The following UBE3D variants were observed in gnomAD, a reference collection of about 807,000 sequenced individuals.
UBE3D encodes E3 ubiquitin-protein ligase E3D.
UBE3D carries 48 observed loss-of-function variants against 49.6 expected under a neutral mutation model. The observed-to-expected ratio is 0.97, with a 90% CI of 0.77 to 1.23. The LOEUF (loss-of-function observed/expected upper bound fraction) is 1.23, where lower values mean the gene tolerates loss of function less well. UBE3D is among the 50% of genes most tolerant of loss of function. The pLI, the probability that UBE3D is intolerant of heterozygous loss-of-function variation, is 0.00. For synonymous variants in UBE3D, 189 were observed against 174.2 expected (o/e 1.08, Z -0.67); for missense variants, 452 against 468.4 (o/e 0.96, Z 0.32).
intron 8 of UBE3D, among the ~76,000 whole-genome samples, chr6:82,992,026 T>C (rs1582572072): frequency 6.6e-6 from 1 of 152,156 alleles, no homozygotes; most frequent in African/African-American, 2.4e-5. Flanking sequence ...TCCCGAAAAG[T>C]TTAAAGTTTT....
intron 7 of UBE3D, among the ~76,000 whole-genome samples, chr6:83,021,996 T>C (rs946027483): frequency 6.6e-6 from 1 of 152,142 alleles, no homozygotes; most frequent in Non-Finnish European, 1.5e-5. Context: ...GTTATTAAAA[T>C]AAAGGAGTTT....
At chr6:82,892,184 T>C (rs1770998634), downstream of UBE3D, among the ~76,000 whole-genome samples, 1 of 152,188 alleles carries the variant, frequency 6.6e-6, no homozygotes, top group Non-Finnish European at 1.5e-5. Context: ...CAGAGAGAGA[T>C]GGATCAGATC....
intron 8 of UBE3D, among the ~76,000 whole-genome samples, chr6:83,015,829 C>A (rs1277879770): frequency 6.6e-6 from 1 of 152,072 alleles, no homozygotes; most frequent in Admixed American, 6.5e-5. Flanking sequence ...TCTTCTCAGA[C>A]AAAGGTGGAA....
intron 9 of UBE3D, among the ~76,000 whole-genome samples, chr6:82,914,714 AATTTATAGCATTC>A (rs781725858): frequency 6.6e-6 from 1 of 152,168 alleles, no homozygotes; most frequent in Non-Finnish European, 1.5e-5. Flanking sequence ...TTGAAAAAAT[AATTTATAGCATTC>A]TGCAAAGAGC....
chr6:83,046,675 G>GGA (rs1554211647), intron 3 of UBE3D, among the ~76,000 whole-genome samples: 2 of 138,970 alleles, frequency 1.4e-5, no homozygotes, highest in South Asian at 4.9e-4. Flanking sequence ...CAGTTGGCGG[G>GGA]GGGGGTGGGC....
intron 9 of UBE3D, among the ~76,000 whole-genome samples, chr6:82,945,421 T>G (rs1049227055): frequency 6.6e-6 from 1 of 152,234 alleles, no homozygotes; most frequent in Non-Finnish European, 1.5e-5. Context: ...TATGAGTCTA[T>G]GAGTCTCCAA....
At chr6:83,001,490 C>T (rs1269457924) in intron 8 of UBE3D, among the ~76,000 whole-genome samples, 4 of 152,182 alleles carry the variant, frequency 2.6e-5, no homozygotes, top group Admixed American at 6.5e-5. Flanking sequence ...TGCCTTATCC[C>T]TTTATATATA....
At chr6:82,919,640 A>T (rs1436913877) in intron 9 of UBE3D, among the ~76,000 whole-genome samples, 1 of 152,012 alleles carries the variant, frequency 6.6e-6, no homozygotes, top group Non-Finnish European at 1.5e-5. Context: ...ATAAAAAAAG[A>T]AGTATCAGGA....
At chr6:82,923,946 T>A (rs293503) in intron 9 of UBE3D, among the ~76,000 whole-genome samples, 102,275 of 151,906 alleles carry the variant, frequency 0.67, 34,908 homozygotes, top group East Asian at 0.79. Flanking sequence ...GAGTCAAAAG[T>A]AAAAAAACAA....
chr6:82,980,084 G>A (rs771107761), intron 8 of UBE3D, among the ~76,000 whole-genome samples: 1 of 151,990 alleles, frequency 6.6e-6, no homozygotes, highest in Non-Finnish European at 1.5e-5. Flanking sequence ...TGATAATAAT[G>A]ATTTATTTTC....
intron 9 of UBE3D, among the ~76,000 whole-genome samples, chr6:82,894,197 C>G (rs1482720994): frequency 6.6e-6 from 1 of 152,150 alleles, no homozygotes; most frequent in South Asian, 2.1e-4. Flanking sequence ...CCCCCACCCC[C>G]CCAACCATTT....
Position 82,923,629 on chromosome 6 carries a change from T to G in UBE3D, c.1150-30587A>C, listed in dbSNP as rs185728534. Among the ~76,000 whole-genome samples, 114 of 152,254 alleles carry G rather than the reference T, an allele frequency of 7.5e-4. 1 individual carries two copies. The highest frequency in any genetic ancestry group is 3.4e-3 in the Middle Eastern group (1 of 294). Reference sequence around the variant, plus strand: ...TACCTAATGTAGGTGACGGGTTGATTGGTGTAGCAAACCACCATGGCACGT... The same window carrying G: ...TACCTAATGTAGGTGACGGGTTGATGGGTGTAGCAAACCACCATGGCACGT... On this transcript the variant is annotated intron_variant, in intron 9 of 9. Coordinates refer to ENST00000369747, the MANE Select transcript of UBE3D (RefSeq NM_198920.3).
At chr6:82,964,203 GAA>G in intron 8 of UBE3D, among the ~76,000 whole-genome samples, 1 of 152,088 alleles carries the variant, frequency 6.6e-6, no homozygotes, top group South Asian at 2.1e-4. Flanking sequence ...TTGAGAAAGG[GAA>G]AAAAGTCACT....
At chr6:83,021,895 C>A (rs1455268245) in intron 7 of UBE3D, among the ~76,000 whole-genome samples, 1 of 151,880 alleles carries the variant, frequency 6.6e-6, no homozygotes, top group Non-Finnish European at 1.5e-5. Context: ...ACAAAAAAAC[C>A]CTGATTTTGT....
chr6:82,910,256 AC>A lies in UBE3D; in HGVS notation c.1150-17215del, dbSNP rs1562073807. ...AAGGGACCATTCATGTGGAAGCACA[AC>A]ATCTTATCTAAATCTCTGTATATCT... On this transcript the variant is annotated intron_variant, in intron 9 of 9. Transcript: ENST00000369747. Among the ~76,000 whole-genome samples the A allele has an allele frequency of 8.5e-5, 13 of 152,286 alleles. No homozygotes were observed. In the South Asian group the frequency reaches 2.7e-3, roughly 32 times the overall value.
At position 82,936,350 on chromosome 6, in the gene UBE3D, G is replaced by T. The variant is rs148362435; in HGVS notation, c.1149+20962C>A. Among the ~76,000 whole-genome samples the T allele has an allele frequency of 1.6e-3, 243 of 152,274 alleles. 2 individuals are homozygous for T. The highest frequency in any genetic ancestry group is 5.6e-3 in the African/African-American group (232 of 41,566). On this transcript the variant is annotated intron_variant, in intron 9 of 9. Coordinates refer to ENST00000369747, the MANE Select transcript of UBE3D (RefSeq NM_198920.3). Reference sequence around the variant, plus strand: ...GCATATTTTGGGGACTCAATGAAAAGCAGCTGATGGTTCAAATGATCAATG... The same window carrying T: ...GCATATTTTGGGGACTCAATGAAAATCAGCTGATGGTTCAAATGATCAATG...
intron 9 of UBE3D, among the ~76,000 whole-genome samples, chr6:82,910,231 A>G (rs1468231448): frequency 6.6e-6 from 1 of 152,152 alleles, no homozygotes; most frequent in Non-Finnish European, 1.5e-5. Flanking sequence ...CCTGCCTGCA[A>G]AGGGACCATT....
At chr6:82,948,058 A>C (rs1775530669) in intron 9 of UBE3D, among the ~76,000 whole-genome samples, 1 of 151,972 alleles carries the variant, frequency 6.6e-6, no homozygotes, top group Non-Finnish European at 1.5e-5. Flanking sequence ...TGAAGAAAAC[A>C]ATATAAAAGA....
intron 5 of UBE3D, among the ~76,000 whole-genome samples, chr6:83,032,020 GC>G (rs2127791300): frequency 6.6e-6 from 1 of 152,348 alleles, no homozygotes; most frequent in South Asian, 2.1e-4. Flanking sequence ...CAGGGCCGCA[GC>G]CCTCATGGAG....
Sources: allele counts gnomAD v4.1 joint callset (sites outside exome capture counted in the v4.1 genomes callset), GRCh38; gene constraint gnomAD v4.1.1; transcripts MANE v1.5; gene names NCBI Gene and HGNC (gene_info 2026-07-23, HGNC 2026-07-21).